Variants in AP4E1 observed in about 807,000 individuals in gnomAD.
AP4E1 encodes the protein AP-4 complex subunit epsilon-1.
AP4E1 carries 56 observed loss-of-function variants against 128.2 expected under a neutral mutation model. That is an observed-to-expected ratio of 0.44 (90% CI 0.35 to 0.55). The LOEUF is 0.55. AP4E1 is among the 20% of genes least tolerant of loss of function. The pLI is 0.00. For synonymous variants in AP4E1, 484 were observed against 473.1 expected (o/e 1.02, Z -0.30); for missense variants, 1,324 against 1,307.7 (o/e 1.01, Z -0.19).
chr15:50,955,816 T>C (rs1259385044), intron 13 of AP4E1, among the ~76,000 whole-genome samples: 3 of 152,228 alleles, frequency 2.0e-5, no homozygotes, highest in Admixed American at 2.0e-4. Flanking sequence ...GTTGCCACCC[T>C]GCTGGGGAAT....
chr15:50,912,657 ATTTTT>A (rs200052940), intron 2 of AP4E1, among the ~76,000 whole-genome samples: 55,137 of 144,146 alleles, frequency 0.38, 10,274 homozygotes, highest in Admixed American at 0.52. Context: ...ACTCAGTTTG[ATTTTT>A]TTTTTTTTTT....
At chr15:50,953,559 C>G (rs920412352) in intron 13 of AP4E1, among the ~76,000 whole-genome samples, 1 of 152,190 alleles carries the variant, frequency 6.6e-6, no homozygotes, top group Non-Finnish European at 1.5e-5. Context: ...GTATACACTA[C>G]CTGCCTGTTA....
At chr15:50,912,002 T>G in intron 1 of AP4E1, 76 bp from the exon 2 acceptor site, 2 of 1,112,814 alleles carry the variant, frequency 1.8e-6, no homozygotes, top group Middle Eastern at 2.3e-4. Context: ...GTAAATTATA[T>G]TTTTCCGTTT....
rs982051660 is a variant in AP4E1, at chr15:50,986,735, T to C, written c.2090+2590T>C. On this transcript the variant is annotated intron_variant, in intron 16 of 20. Transcript: ENST00000261842. Reference sequence around the variant, plus strand: ...CAGTATTTTATTGAGGATTTTTGCATCGATGTTCATCAGGGATATTGGTCT... The same window carrying C: ...CAGTATTTTATTGAGGATTTTTGCACCGATGTTCATCAGGGATATTGGTCT... Among the ~76,000 whole-genome samples the C allele has an allele frequency of 2.6e-5, 4 of 152,230 alleles. No homozygotes were observed. The South Asian group carries it at 6.2e-4, about 24-fold the overall frequency.
intron 14 of AP4E1, among the ~76,000 whole-genome samples, chr15:50,964,685 T>C (rs1251281866): frequency 6.6e-6 from 1 of 152,194 alleles, no homozygotes; most frequent in African/African-American, 2.4e-5. Flanking sequence ...GCTTGGGCTT[T>C]GATTCTGGAT....
intron 17 of AP4E1, among the ~76,000 whole-genome samples, chr15:50,996,498 G>A (rs888424535): frequency 1.3e-5 from 2 of 152,072 alleles, no homozygotes; most frequent in African/African-American, 2.4e-5. Flanking sequence ...AGAAGGTGTT[G>A]GGGCTTGAGG....
chr15:50,961,101 A>G (rs2064306531), intron 14 of AP4E1, among the ~76,000 whole-genome samples: 1 of 152,016 alleles, frequency 6.6e-6, no homozygotes, highest in South Asian at 2.1e-4. Context: ...GAATAATGAC[A>G]TTGAATCAGT....
chr15:50,936,318 G>A (rs552460223), intron 8 of AP4E1, among the ~76,000 whole-genome samples: 3 of 151,340 alleles, frequency 2.0e-5, no homozygotes, highest in South Asian at 2.1e-4. Flanking sequence ...GGGTTTGAAA[G>A]TCTTTCGGGA....
chr15:50,941,833 G>C (rs1000572653), intron 10 of AP4E1, 58 bp downstream of exon 10: 55 of 1,346,744 alleles, frequency 4.1e-5, no homozygotes, highest in Admixed American at 1.3e-4. Flanking sequence ...AAATTTTGTT[G>C]GCATTGTGTA....
At chr15:50,995,312 T>C (rs1302380656) in intron 17 of AP4E1, among the ~76,000 whole-genome samples, 1 of 152,188 alleles carries the variant, frequency 6.6e-6, no homozygotes, top group East Asian at 1.9e-4. Context: ...TATTTTTAGG[T>C]CTGTGATCCA....
intron 19 of AP4E1, among the ~76,000 whole-genome samples, chr15:51,000,063 C>T (rs1330151836): frequency 6.6e-6 from 1 of 151,474 alleles, no homozygotes; most frequent in African/African-American, 2.4e-5. Flanking sequence ...TGCAGAATAC[C>T]GATGAATATC....
intron 14 of AP4E1, among the ~76,000 whole-genome samples, chr15:50,965,628 C>T (rs2064381687): frequency 1.3e-5 from 2 of 152,218 alleles, no homozygotes; most frequent in African/African-American, 2.4e-5. Flanking sequence ...AGCTTTTATA[C>T]TCTCCGTGGC....
chr15:50,958,388 C>A, intron 13 of AP4E1, 104 bp from the exon 14 acceptor site: 1 of 928,696 alleles, frequency 1.1e-6, no homozygotes, highest in Non-Finnish European at 1.6e-6. Context: ...GATGTTTAAT[C>A]TACTTTAAAT....
At chr15:50,974,000 C>G (rs749960562) in intron 15 of AP4E1, among the ~76,000 whole-genome samples, 4 of 152,174 alleles carry the variant, frequency 2.6e-5, no homozygotes, top group African/African-American at 4.8e-5. Flanking sequence ...GAATCTTGCT[C>G]TGTCGCCTAG....
intron 15 of AP4E1, among the ~76,000 whole-genome samples, chr15:50,974,156 G>T (rs190527995): frequency 6.6e-6 from 1 of 152,148 alleles, no homozygotes. Flanking sequence ...AGTAGAGACA[G>T]GGTTTTGCCA....
In AP4E1 at chr15:50,997,511, G is replaced by A. The variant is rs1369329166; in HGVS notation, c.2532G>A (p.Lys844=). The A allele has an allele frequency of 6.2e-7, 1 of 1,614,040 alleles. No homozygotes were observed. Among genetic ancestry groups the A allele is most frequent in the East Asian group, 2.2e-5 (1 of 44,846 alleles). ...ACGATACAGGAGACAAGGAATTAAA[G>A]AAATTTTCTCTCACTTCAGAACTTT... is the stretch of plus-strand genomic sequence containing the variant. ...TLHDTGDKEL[K]KFSLTSELLD... Residue 844 remains lysine (K), a synonymous_variant, in exon 18 of 21, where the codon AAG becomes AAA. Coordinates refer to ENST00000261842, the MANE Select transcript of AP4E1 (RefSeq NM_007347.5).
intron 10 of AP4E1, among the ~76,000 whole-genome samples, chr15:50,942,692 ATTAC>A (rs2064004753): frequency 6.7e-6 from 1 of 148,232 alleles, no homozygotes; most frequent in African/African-American, 2.5e-5. Flanking sequence ...AATTATATAT[ATTAC>A]TTATAATAAT....
Position 50,986,769 on chromosome 15 carries a change from C to G in AP4E1, c.2090+2624C>G, listed in dbSNP as rs555675378. Among the ~76,000 whole-genome samples, 17 of 152,216 alleles carry G rather than the reference C, an allele frequency of 1.1e-4. 1 individual carries two copies. In the South Asian group the frequency reaches 3.1e-3, roughly 28 times the overall value. The stretch of plus-strand genomic sequence containing the variant: ...ATCAGGGATATTGGTCTAAAATTCT[C>G]TTTTTTGGTTGTGTCTCTGCTAGGC... On this transcript the variant is annotated intron_variant, in intron 16 of 20. Coordinates refer to ENST00000261842, the MANE Select transcript of AP4E1 (RefSeq NM_007347.5).
chr15:50,974,888 T>G lies in AP4E1; in HGVS notation c.1966+6511T>G, dbSNP rs2064531283. Among the ~76,000 whole-genome samples, 4 of 152,132 alleles carry G rather than the reference T, an allele frequency of 2.6e-5. No homozygotes were observed. The South Asian group carries it at 8.3e-4, about 32-fold the overall frequency. The stretch of plus-strand genomic sequence containing the variant: ...GTTATTAGTTAAAAAAAAAAAACTA[T>G]TGAGTCATAGGATTAACATATTTTG... On this transcript the variant is annotated intron_variant, in intron 15 of 20. Transcript: ENST00000261842.
Sources: allele counts gnomAD v4.1 joint callset (sites outside exome capture counted in the v4.1 genomes callset), GRCh38; gene constraint gnomAD v4.1.1; transcripts MANE v1.5; gene names NCBI Gene and HGNC (gene_info 2026-07-23, HGNC 2026-07-21).